Variants in GALNTL6 observed in about 807,000 individuals in gnomAD.
The protein encoded by GALNTL6 is polypeptide N-acetylgalactosaminyltransferase-like 6.
GALNTL6 carries 46 observed loss-of-function variants against 73.7 expected under a neutral mutation model. The observed-to-expected ratio is 0.62, with a 90% CI of 0.49 to 0.80. The LOEUF is 0.80. GALNTL6 is among the 30% of genes least tolerant of loss of function. The pLI is 0.00. For synonymous variants in GALNTL6, 259 were observed against 263.7 expected (o/e 0.98, Z 0.17); for missense variants, 604 against 755.0 (o/e 0.80, Z 2.34).
chr4:172,005,257 T>C (rs1311135656), intron 2 of GALNTL6, among the ~76,000 whole-genome samples: 1 of 152,046 alleles, frequency 6.6e-6, no homozygotes, highest in Non-Finnish European at 1.5e-5. Flanking sequence ...CCCAAATAGC[T>C]GGGACCACAG....
intron 4 of GALNTL6, among the ~76,000 whole-genome samples, chr4:172,327,874 G>A (rs1464995484): frequency 1.3e-5 from 2 of 151,684 alleles, no homozygotes; most frequent in Admixed American, 6.6e-5. Context: ...TTTAAATGGG[G>A]GCCCATTTAC....
At chr4:172,887,342 A>G (rs1745774533) in intron 8 of GALNTL6, among the ~76,000 whole-genome samples, 2 of 152,084 alleles carry the variant, frequency 1.3e-5, no homozygotes, top group South Asian at 4.1e-4. Flanking sequence ...TCCTTTGGAC[A>G]TGTACCTAGT....
chr4:172,656,806 T>G (rs893328275), intron 5 of GALNTL6, among the ~76,000 whole-genome samples: 1 of 152,248 alleles, frequency 6.6e-6, no homozygotes, highest in Admixed American at 6.5e-5. Flanking sequence ...TTTTGAAAAC[T>G]AGAGCAGACG....
chr4:172,555,949 C>T (rs568451106), intron 5 of GALNTL6, among the ~76,000 whole-genome samples: 1 of 151,986 alleles, frequency 6.6e-6, no homozygotes, highest in Non-Finnish European at 1.5e-5. Context: ...CAGTGTACGA[C>T]GTGGGTGAGT....
intron 5 of GALNTL6, among the ~76,000 whole-genome samples, chr4:172,744,851 G>A (rs1737008704): frequency 6.6e-6 from 1 of 151,330 alleles, no homozygotes; most frequent in African/African-American, 2.4e-5. Context: ...GTGTGTGTGT[G>A]TGTGTGTGTG....
At chr4:171,855,938 CA>C (rs1250542361) in intron 2 of GALNTL6, among the ~76,000 whole-genome samples, 3 of 152,150 alleles carry the variant, frequency 2.0e-5, no homozygotes, top group African/African-American at 7.2e-5. Flanking sequence ...ATATTTTGCT[CA>C]TTTTAAAATT....
intron 3 of GALNTL6, among the ~76,000 whole-genome samples, chr4:172,297,362 A>C (rs897660674): frequency 6.6e-6 from 1 of 152,102 alleles, no homozygotes; most frequent in Admixed American, 6.5e-5. Context: ...TAGTTTAATT[A>C]GATCCCATTT....
At chr4:172,193,283 C>G (rs989940483) in intron 2 of GALNTL6, among the ~76,000 whole-genome samples, 5 of 152,158 alleles carry the variant, frequency 3.3e-5, no homozygotes, top group African/African-American at 1.2e-4. Context: ...AGCATCAGGT[C>G]GGTGCCCCTC....
intron 4 of GALNTL6, among the ~76,000 whole-genome samples, chr4:172,346,988 CTTTTTTTTT>C (rs34332250): frequency 8.7e-6 from 1 of 114,410 alleles, no homozygotes; most frequent in African/African-American, 3.5e-5. Context: ...TGTTTTCTTT[CTTTTTTTTT>C]TTTTTTTTTT....
chr4:172,773,656 T>C (rs555196748), intron 5 of GALNTL6, among the ~76,000 whole-genome samples: 54 of 151,818 alleles, frequency 3.6e-4, no homozygotes, highest in African/African-American at 1.3e-3. Flanking sequence ...ACTTTACATA[T>C]ATAAATGTAA....
intron 2 of GALNTL6, among the ~76,000 whole-genome samples, chr4:171,962,187 C>T (rs1483718097): frequency 1.3e-5 from 2 of 152,098 alleles, no homozygotes; most frequent in Non-Finnish European, 2.9e-5. Context: ...GTCTCTAACC[C>T]TTTGGATTAA....
intron 2 of GALNTL6, among the ~76,000 whole-genome samples, chr4:171,923,790 G>C (rs973811303): frequency 2.3e-5 from 3 of 129,098 alleles, no homozygotes; most frequent in Non-Finnish European, 3.4e-5. Flanking sequence ...GTATTGCTGT[G>C]TGTGTGTGTG....
chr4:172,156,545 ATATATATATATATATATATATACATAC>A (rs1560945586), intron 2 of GALNTL6, among the ~76,000 whole-genome samples: 2 of 67,342 alleles, frequency 3.0e-5, no homozygotes, highest in East Asian at 2.6e-4. Flanking sequence ...TATATAATAT[ATATATATATATATATATATATACATAC>A]TATATATATA....
chr4:172,111,558 A>G (rs191353773), intron 2 of GALNTL6, among the ~76,000 whole-genome samples: 2 of 152,056 alleles, frequency 1.3e-5, no homozygotes, highest in Admixed American at 6.5e-5. Context: ...CTTTTGTACA[A>G]ATTTTTACTA....
chr4:172,883,611 A>G (rs1745569689), intron 8 of GALNTL6, among the ~76,000 whole-genome samples: 1 of 152,144 alleles, frequency 6.6e-6, no homozygotes, highest in Non-Finnish European at 1.5e-5. Flanking sequence ...CCATGATCCA[A>G]ACACCTCCCA....
chr4:171,825,844 A>T (rs1734810433), intron 2 of GALNTL6, among the ~76,000 whole-genome samples: 1 of 152,152 alleles, frequency 6.6e-6, no homozygotes, highest in Non-Finnish European at 1.5e-5. Flanking sequence ...CTTCGTAAAA[A>T]ACATTCTGTT....
At chr4:172,303,429 T>C (rs75162780) in intron 3 of GALNTL6, among the ~76,000 whole-genome samples, 3,884 of 152,270 alleles carry the variant, frequency 0.026, 138 homozygotes, top group African/African-American at 0.082. Flanking sequence ...CTCCACCTTA[T>C]GAAAACCACA....
At chr4:172,467,490 C>T (rs779607132) in intron 5 of GALNTL6, among the ~76,000 whole-genome samples, 23 of 152,214 alleles carry the variant, frequency 1.5e-4, no homozygotes, top group Middle Eastern at 3.4e-3. Context: ...ATCATGGAGT[C>T]GCTCATCCTC....
chr4:172,845,978 A>G (rs1560989448), intron 7 of GALNTL6, among the ~76,000 whole-genome samples: 1 of 152,258 alleles, frequency 6.6e-6, no homozygotes, highest in Non-Finnish European at 1.5e-5. Flanking sequence ...ACAAAGATTT[A>G]TACACAAATA....
Sources: allele counts gnomAD v4.1 joint callset (sites outside exome capture counted in the v4.1 genomes callset), GRCh38; gene constraint gnomAD v4.1.1; transcripts MANE v1.5; gene names NCBI Gene and HGNC (gene_info 2026-07-23, HGNC 2026-07-21).